Variants in COL19A1 observed in about 807,000 individuals in gnomAD.
COL19A1 encodes collagen alpha-1(XIX) chain.
Under a neutral mutation model 190.2 loss-of-function variants are expected in COL19A1, and 159 were observed. The ratio of observed to expected loss-of-function variants is 0.84; its 90% CI spans 0.73 to 0.95. The LOEUF is 0.95. COL19A1 is among the 40% of genes least tolerant of loss of function. The pLI, the probability that COL19A1 is intolerant of heterozygous loss-of-function variation, is 0.00. For synonymous variants in COL19A1, 509 were observed against 458.9 expected (o/e 1.11, Z -1.39); for missense variants, 1,418 against 1,431.9 (o/e 0.99, Z 0.16).
In COL19A1 at chr6:70,176,612, C is replaced by T. The variant is rs180983964; in HGVS notation, c.2667+48C>T. ...CATTTTCACAGGTAAACGGTTCTAT[C>T]TCCATGATACACCTGTGGCCAGGGA... On this transcript the variant is annotated intron_variant, in intron 42 of 50. Transcript: ENST00000620364. 8 of 1,583,684 alleles carry T rather than the reference C, an allele frequency of 5.1e-6. No homozygotes were observed. The East Asian group carries it at 9.0e-5, about 18-fold the overall frequency.
At chr6:70,162,547 A>C (rs1172946573) in intron 35 of COL19A1, among the ~76,000 whole-genome samples, 2 of 152,206 alleles carry the variant, frequency 1.3e-5, no homozygotes, top group Non-Finnish European at 2.9e-5. Flanking sequence ...GATAAAATAT[A>C]GTGCATGCAG....
chr6:70,018,549 G>T (rs899909561), intron 11 of COL19A1, among the ~76,000 whole-genome samples: 3 of 152,090 alleles, frequency 2.0e-5, no homozygotes, highest in Non-Finnish European at 2.9e-5. Context: ...GATCATGGAT[G>T]GACAAAAGTG....
In COL19A1 at chr6:69,932,524, A is replaced by G. The variant is rs116752540; in HGVS notation, c.667-259A>G. On this transcript the variant is annotated intron_variant, in intron 6 of 50. Transcript: ENST00000620364. ...TTAAGTACTTCTATTTTATTGTTTG[A>G]AACAGCTAGCCAAGGTTTGCAATTG... is the stretch of plus-strand genomic sequence containing the variant. Among the ~76,000 whole-genome samples the G allele has an allele frequency of 3.8e-3, 572 of 152,078 alleles. 3 individuals carry two copies. The highest frequency in any genetic ancestry group is 0.013 in the African/African-American group (539 of 41,526).
intron 9 of COL19A1, among the ~76,000 whole-genome samples, chr6:69,956,714 C>T (rs1355856576): frequency 6.6e-6 from 1 of 151,988 alleles, no homozygotes; most frequent in East Asian, 1.9e-4. Context: ...TGGCATTCCA[C>T]TTCTGATATT....
Position 70,130,522 on chromosome 6 carries a change from G to A in COL19A1, c.1383+299G>A, listed in dbSNP as rs1001168174. 2.4e-4 allele frequency among the ~76,000 whole-genome samples: 36 copies of A among 152,296 alleles called. 1 individual carries two copies. Among genetic ancestry groups the A allele is most frequent in the Non-Finnish European group, 1.3e-4 (9 of 68,010 alleles). Reference sequence around the variant, plus strand: ...ATTACAGGCTTGAGCCACTGCACCCGGCAGTAATCAGATTTTCAAAGTGAA... The same window carrying A: ...ATTACAGGCTTGAGCCACTGCACCCAGCAGTAATCAGATTTTCAAAGTGAA... On this transcript the variant is annotated intron_variant, in intron 18 of 50. Transcript: ENST00000620364.
At chr6:70,035,309 T>G (rs1779293134) in intron 13 of COL19A1, among the ~76,000 whole-genome samples, 1 of 152,214 alleles carries the variant, frequency 6.6e-6, no homozygotes, top group Non-Finnish European at 1.5e-5. Flanking sequence ...TTAAAGATGT[T>G]GAATAGTTTG....
rs1315675415 is a variant in COL19A1, at chr6:70,023,555, C to T, written c.1027-72C>T. 5.5e-6 allele frequency: 7 copies of T among 1,280,978 alleles called. No homozygotes were observed. In the East Asian group the frequency reaches 1.4e-4, roughly 26 times the overall value. 79.4% of individuals were successfully genotyped at this position (1,280,978 alleles called of 1,614,324 possible). ...CATATTGTTATAAATACCCAACCAA[C>T]ATAACTTTATTTTTTGCTAGCAAAG... On this transcript the variant is annotated intron_variant, in intron 11 of 50. Transcript: ENST00000620364.
chr6:70,170,204 T>C (rs141950047), intron 40 of COL19A1, among the ~76,000 whole-genome samples: 1,664 of 152,292 alleles, frequency 0.011, 13 homozygotes, highest in Non-Finnish European at 0.017. Flanking sequence ...GATGAAACTT[T>C]GAAGTTACTC....
intron 11 of COL19A1, among the ~76,000 whole-genome samples, chr6:69,997,771 A>G (rs1320110541): frequency 6.6e-6 from 1 of 152,178 alleles, no homozygotes; most frequent in African/African-American, 2.4e-5. Flanking sequence ...ACCAACATGT[A>G]TGTAATGGGA....
At chr6:70,184,797 C>T in intron 45 of COL19A1, 59 bp downstream of exon 45, 1 of 1,603,712 alleles carries the variant, frequency 6.2e-7, no homozygotes, top group Non-Finnish European at 8.5e-7. Context: ...AGAATACCTA[C>T]CAACATTTAC....
At chr6:69,994,487 T>A (rs1042638049) in intron 11 of COL19A1, among the ~76,000 whole-genome samples, 8 of 152,182 alleles carry the variant, frequency 5.3e-5, no homozygotes, top group African/African-American at 1.9e-4. Context: ...TCTGTCATTC[T>A]CACTGGATTC....
At chr6:70,125,408 C>T (rs555605076) in intron 17 of COL19A1, among the ~76,000 whole-genome samples, 12 of 152,210 alleles carry the variant, frequency 7.9e-5, no homozygotes, top group Admixed American at 1.3e-4. Context: ...CTCCTCATTC[C>T]GAGCTCAGAG....
At chr6:70,093,765 G>C (rs1783075504) in intron 15 of COL19A1, among the ~76,000 whole-genome samples, 2 of 152,134 alleles carry the variant, frequency 1.3e-5, no homozygotes, top group South Asian at 4.1e-4. Flanking sequence ...CATTTATTCA[G>C]ATTATCATTT....
At chr6:70,061,067 T>C (rs758610940) in intron 14 of COL19A1, among the ~76,000 whole-genome samples, 2 of 152,170 alleles carry the variant, frequency 1.3e-5, no homozygotes, top group Non-Finnish European at 2.9e-5. Flanking sequence ...GTAATTTTCA[T>C]AATAAGTGAT....
intron 40 of COL19A1, among the ~76,000 whole-genome samples, chr6:70,171,314 T>C (rs1445998283): frequency 1.3e-5 from 2 of 152,166 alleles, no homozygotes; most frequent in African/African-American, 4.8e-5. Context: ...CACCACAGCT[T>C]TTCCCAAAGT....
In COL19A1 at chr6:69,991,148, G is replaced by A. The variant is rs576456049; in HGVS notation, c.1026+28278G>A. ...TAATAAGTGAGAATGTGCAGTATTT[G>A]GTTTTATGTTCCTATGTTAATTCAC... is the stretch of plus-strand genomic sequence containing the variant. On this transcript the variant is annotated intron_variant, in intron 11 of 50. Coordinates refer to ENST00000620364, the MANE Select transcript of COL19A1 (RefSeq NM_001858.6). Among the ~76,000 whole-genome samples the A allele has an allele frequency of 3.3e-5, 5 of 152,140 alleles. No individual in the cohort carries two copies. The East Asian group carries it at 9.7e-4, about 29-fold the overall frequency.
At chr6:70,148,278 G>A (rs1786806119) in intron 27 of COL19A1, among the ~76,000 whole-genome samples, 1 of 151,972 alleles carries the variant, frequency 6.6e-6, no homozygotes, top group African/African-American at 2.4e-5. Context: ...AGCCCACCGA[G>A]AGTCACCTCA....
At chr6:70,131,266 C>T (rs779445682) in intron 18 of COL19A1, 1 of 215,316 alleles carries the variant, frequency 4.6e-6, no homozygotes, top group Non-Finnish European at 9.6e-6. Context: ...CATTCATTCA[C>T]CTGTAAAAAT....
At chr6:70,196,047 G>C (rs907919787) in intron 48 of COL19A1, among the ~76,000 whole-genome samples, 1 of 152,200 alleles carries the variant, frequency 6.6e-6, no homozygotes, top group African/African-American at 2.4e-5. Context: ...AAATGATTGA[G>C]ACAGAGACAA....
Sources: allele counts gnomAD v4.1 joint callset (sites outside exome capture counted in the v4.1 genomes callset), GRCh38; gene constraint gnomAD v4.1.1; transcripts MANE v1.5; gene names NCBI Gene and HGNC (gene_info 2026-07-23, HGNC 2026-07-21).